TIAM2: variants seen among roughly 807,000 people sequenced by gnomAD.
TIAM2 encodes the protein rho guanine nucleotide exchange factor TIAM2.
In TIAM2, 80 loss-of-function variants were observed where a neutral mutation model predicts 152.9. That is an observed-to-expected ratio of 0.52 (90% confidence interval 0.44 to 0.63). The LOEUF (loss-of-function observed/expected upper bound fraction) is 0.63, where lower values mean the gene tolerates loss of function less well. Among genes scored for constraint, TIAM2 ranks in the 30% least tolerant of loss-of-function variants. The pLI, the probability that TIAM2 is intolerant of heterozygous loss-of-function variation, is 0.00. For synonymous variants in TIAM2, 804 were observed against 838.0 expected (o/e 0.96, Z 0.70); for missense variants, 1,965 against 2,120.1 (o/e 0.93, Z 1.44).
At chr6:155,176,105 TG>T (rs1276183821) in intron 9 of TIAM2, among the ~76,000 whole-genome samples, 1 of 152,076 alleles carries the variant, frequency 6.6e-6, no homozygotes, top group Non-Finnish European at 1.5e-5. Flanking sequence ...ATGGACAAGG[TG>T]TGTCTGGAAT....
At chr6:155,054,104 C>T (rs1049056038) in intron 1 of TIAM2, among the ~76,000 whole-genome samples, 8 of 152,254 alleles carry the variant, frequency 5.3e-5, no homozygotes, top group African/African-American at 1.7e-4. Flanking sequence ...ACCTGGGAGG[C>T]GGAAGTGTCA....
At chr6:155,143,472 A>G (rs989228515) in intron 5 of TIAM2, among the ~76,000 whole-genome samples, 7 of 151,046 alleles carry the variant, frequency 4.6e-5, no homozygotes, top group African/African-American at 1.7e-4. Context: ...AATGTTTTCT[A>G]TTAGTTTCAC....
At position 155,257,591 on chromosome 6, in the gene TIAM2, A is replaced by AATAG; in HGVS notation, c.*473_*476dup. 6.3e-6 allele frequency: 3 copies of AATAG among 478,550 alleles called. No homozygotes were observed. In the East Asian group the frequency reaches 1.2e-4, roughly 19 times the overall value. 29.6% of individuals were successfully genotyped at this position (478,550 alleles called of 1,614,324 possible). A position where few individuals can be genotyped will look rare whatever the true frequency, so the allele number is the denominator to read the frequency against. Reference sequence around the variant, plus strand: ...ACTTCATTTTTGTAAGATAGATTGTAATAGATGCTGTTTATACTAAACATG... The same window carrying AATAG: ...ACTTCATTTTTGTAAGATAGATTGTAATAGATAGATGCTGTTTATACTAAACATG... On this transcript the variant is annotated 3_prime_UTR_variant, in exon 27 of 27. Coordinates refer to ENST00000682666, the MANE Select transcript of TIAM2 (RefSeq NM_012454.4).
intron 1 of TIAM2, among the ~76,000 whole-genome samples, chr6:155,025,821 AAC>A (rs58173623): frequency 0.06 from 7,847 of 131,480 alleles, 224 homozygotes; most frequent in East Asian, 0.075. Context: ...CTCCCCCTCA[AAC>A]ACACACACAC....
At chr6:155,161,726 C>T (rs576467604) in intron 7 of TIAM2, among the ~76,000 whole-genome samples, 1 of 130,916 alleles carries the variant, frequency 7.6e-6, no homozygotes, top group South Asian at 2.7e-4. Flanking sequence ...TGCCACCACA[C>T]CTGGCTAATG....
At chr6:155,187,249 GA>G (rs1185482333) in intron 14 of TIAM2, among the ~76,000 whole-genome samples, 1 of 151,686 alleles carries the variant, frequency 6.6e-6, no homozygotes, top group Non-Finnish European at 1.5e-5. Context: ...TTTCAAGTGG[GA>G]AAAAAAATCT....
intron 1 of TIAM2, among the ~76,000 whole-genome samples, chr6:155,005,614 A>C (rs960616253): frequency 8.6e-5 from 13 of 151,032 alleles, no homozygotes; most frequent in Admixed American, 4.0e-4. Flanking sequence ...TGCTGGGATT[A>C]CAGGGGTGAG....
At chr6:155,203,875 C>A (rs891120358) in intron 14 of TIAM2, among the ~76,000 whole-genome samples, 1 of 152,162 alleles carries the variant, frequency 6.6e-6, no homozygotes, top group Admixed American at 6.5e-5. Flanking sequence ...ATGCATTTTG[C>A]ATCCTCTGAT....
intron 1 of TIAM2, among the ~76,000 whole-genome samples, chr6:155,057,151 C>T (rs1181978022): frequency 6.7e-6 from 1 of 150,110 alleles, no homozygotes; most frequent in African/African-American, 2.4e-5. Flanking sequence ...AACTCAGCCT[C>T]CTGAGTAGCT....
chr6:155,026,598 T>A (rs1191259553), intron 1 of TIAM2, among the ~76,000 whole-genome samples: 1 of 152,240 alleles, frequency 6.6e-6, no homozygotes, highest in Non-Finnish European at 1.5e-5. Context: ...CAGTGGGGAC[T>A]GGCAGTCCTT....
chr6:155,200,055 C>CT (rs901930535), intron 14 of TIAM2, among the ~76,000 whole-genome samples: 5 of 151,940 alleles, frequency 3.3e-5, no homozygotes, highest in Non-Finnish European at 7.4e-5. Context: ...ATTTTAACTG[C>CT]TTTTTTTTCC....
chr6:155,089,729 CT>C (rs1299440287), intron 1 of TIAM2, among the ~76,000 whole-genome samples: 3 of 152,192 alleles, frequency 2.0e-5, no homozygotes, highest in Admixed American at 1.3e-4. Flanking sequence ...TTGTCACTCA[CT>C]GTCTCATTAC....
At chr6:155,204,859 T>C (rs920023041) in intron 14 of TIAM2, among the ~76,000 whole-genome samples, 1 of 152,144 alleles carries the variant, frequency 6.6e-6, no homozygotes, top group African/African-American at 2.4e-5. Flanking sequence ...AAAACAAATT[T>C]ACAGGCTCAG....
Position 155,137,292 on chromosome 6 carries a change from A to G in TIAM2, c.1310A>G (p.Gln437Arg). The change falls in exon 5 of 27, where the codon CAG becomes CGG. Residue 437 changes from glutamine to arginine, a missense_variant. Coordinates refer to ENST00000682666, the MANE Select transcript of TIAM2 (RefSeq NM_012454.4). ...TTTCTGTGGTCAGGGGGCTCTACTCAGATCCTGTCTCAGAGAAGTGAATCC... is the reference window on the plus strand; with the variant it reads ...TTTCTGTGGTCAGGGGGCTCTACTCGGATCCTGTCTCAGAGAAGTGAATCC... ...SAFLWSGGST[Q>R]ILSQRSESTH... 6.2e-7 allele frequency: 1 copy of G among 1,614,252 alleles called. No individual in the cohort carries two copies. Among genetic ancestry groups the G allele is most frequent in the African/African-American group, 1.3e-5 (1 of 75,064 alleles).
chr6:155,014,652 G>C (rs185364290), intron 1 of TIAM2, among the ~76,000 whole-genome samples: 1 of 152,064 alleles, frequency 6.6e-6, no homozygotes, highest in South Asian at 2.1e-4. Context: ...GAGTATCTAC[G>C]TACACTCAAT....
intron 15 of TIAM2, among the ~76,000 whole-genome samples, chr6:155,224,924 C>T (rs1782189329): frequency 6.6e-6 from 1 of 152,160 alleles, no homozygotes; most frequent in African/African-American, 2.4e-5. Flanking sequence ...CCTTGCATGC[C>T]ACTCTCAGCT....
At chr6:155,203,379 C>T (rs960372910) in intron 14 of TIAM2, among the ~76,000 whole-genome samples, 6 of 152,152 alleles carry the variant, frequency 3.9e-5, no homozygotes, top group East Asian at 1.9e-4. Flanking sequence ...TGATTCTCTA[C>T]GAGTTTTTCA....
At chr6:155,051,926 C>T (rs1777329117) in intron 1 of TIAM2, among the ~76,000 whole-genome samples, 1 of 152,138 alleles carries the variant, frequency 6.6e-6, no homozygotes, top group Non-Finnish European at 1.5e-5. Context: ...AGGCGTGAGC[C>T]ACTGCGCCTG....
intron 1 of TIAM2, among the ~76,000 whole-genome samples, chr6:155,073,453 G>A (rs1487924869): frequency 2.0e-5 from 3 of 152,114 alleles, no homozygotes; most frequent in Non-Finnish European, 4.4e-5. Context: ...GTGAGCCACC[G>A]TGCCTGGCCA....
Sources: gnomAD v4.1 joint callset for allele counts (sites outside exome capture counted in the v4.1 genomes callset) on GRCh38, gnomAD v4.1.1 for gene constraint, MANE v1.5 for transcripts, NCBI Gene and HGNC (gene_info 2026-07-23, HGNC 2026-07-21) for gene names.